TNNI3K: variants seen among roughly 807,000 people sequenced by gnomAD.
The protein encoded by TNNI3K is serine/threonine-protein kinase TNNI3K.
A neutral mutation model predicts 114.5 loss-of-function variants in TNNI3K; 140 were observed. That is an observed-to-expected ratio of 1.22 (90% CI 1.07 to 1.41). The LOEUF is 1.41. Ranked by LOEUF, TNNI3K falls within the 40% of genes most tolerant of loss-of-function variation. The pLI is 0.00. For missense variants in TNNI3K, 1,125 were observed against 1,007.6 expected (o/e 1.12, Z -1.58); for synonymous variants, 347 against 347.5 (o/e 1.00, Z 0.02).
intron 7 of TNNI3K, among the ~76,000 whole-genome samples, chr1:74,336,413 A>G (rs1006324113): frequency 6.6e-6 from 1 of 152,086 alleles, no homozygotes; most frequent in African/African-American, 2.4e-5. Context: ...GGTTAGTTAC[A>G]TATGTATACA....
chr1:74,399,208 G>A (rs963090350), intron 17 of TNNI3K, among the ~76,000 whole-genome samples: 3 of 145,970 alleles, frequency 2.1e-5, no homozygotes, highest in Non-Finnish European at 4.5e-5. Flanking sequence ...AAATGCCTTG[G>A]ACCAAATGTC....
intron 23 of TNNI3K, 117 bp from the exon 24 acceptor site, chr1:74,540,117 G>T (rs894060186): frequency 9.3e-7 from 1 of 1,074,302 alleles, no homozygotes; most frequent in Non-Finnish European, 1.3e-6. Context: ...GATAAAAGCT[G>T]CTTTGTATCA....
chr1:74,258,982 C>A (rs1038397537), intron 4 of TNNI3K, among the ~76,000 whole-genome samples: 11 of 152,182 alleles, frequency 7.2e-5, no homozygotes, highest in Non-Finnish European at 2.9e-5. Context: ...TCAAGCGTGG[C>A]AACTCAAATT....
chr1:74,540,374 T>C (rs879777328), intron 24 of TNNI3K, 61 bp downstream of exon 24: 133 of 1,525,806 alleles, frequency 8.7e-5, no homozygotes, highest in Non-Finnish European at 1.1e-4. Flanking sequence ...TGATGTCTAT[T>C]TGACAAAAAG....
chr1:74,245,670 T>C (rs1248643607), intron 2 of TNNI3K, among the ~76,000 whole-genome samples: 1 of 152,144 alleles, frequency 6.6e-6, no homozygotes, highest in African/African-American at 2.4e-5. Flanking sequence ...TCAAAAGCTA[T>C]TGGAATTTTA....
chr1:74,244,635 G>C (rs1289777086), intron 2 of TNNI3K, among the ~76,000 whole-genome samples: 1 of 148,424 alleles, frequency 6.7e-6, no homozygotes, highest in South Asian at 2.2e-4. Context: ...ATTTTATCTA[G>C]TATGTGTATT....
At chr1:74,307,230 A>G (rs1658698552) in intron 5 of TNNI3K, among the ~76,000 whole-genome samples, 1 of 152,236 alleles carries the variant, frequency 6.6e-6, no homozygotes, top group Non-Finnish European at 1.5e-5. Context: ...TTGAGACTGT[A>G]GAGCAACTAG....
At chr1:74,520,625 T>A (rs988529371) in intron 23 of TNNI3K, among the ~76,000 whole-genome samples, 6 of 150,596 alleles carry the variant, frequency 4.0e-5, no homozygotes, top group African/African-American at 7.3e-5. Context: ...AAAAAAAAAA[T>A]GGGAAAAATC....
At chr1:74,379,038 G>T (rs1023253210) in intron 17 of TNNI3K, among the ~76,000 whole-genome samples, 5 of 151,938 alleles carry the variant, frequency 3.3e-5, no homozygotes, top group African/African-American at 1.2e-4. Flanking sequence ...GGAAATGAAT[G>T]AAAACTACTT....
At chr1:74,254,240 A>G (rs1045848197) in intron 4 of TNNI3K, among the ~76,000 whole-genome samples, 5 of 152,192 alleles carry the variant, frequency 3.3e-5, no homozygotes, top group Non-Finnish European at 7.3e-5. Flanking sequence ...TCCTAAGAAC[A>G]AGAAAATTCA....
chr1:74,452,228 T>C (rs1438865209), intron 20 of TNNI3K, among the ~76,000 whole-genome samples: 1 of 152,204 alleles, frequency 6.6e-6, no homozygotes, highest in East Asian at 1.9e-4. Flanking sequence ...CAATTAATGA[T>C]GACTACCACA....
At chr1:74,445,489 C>G (rs368371425) in intron 20 of TNNI3K, among the ~76,000 whole-genome samples, 1 of 145,698 alleles carries the variant, frequency 6.9e-6, no homozygotes, top group African/African-American at 2.5e-5. Context: ...TTTGTTCTTG[C>G]GATAGTTTAC....
At chr1:74,533,079 C>A (rs1646611431) in intron 23 of TNNI3K, among the ~76,000 whole-genome samples, 1 of 152,146 alleles carries the variant, frequency 6.6e-6, no homozygotes, top group Non-Finnish European at 1.5e-5. Flanking sequence ...TCTAATTAAA[C>A]TAAAGAGCTT....
chr1:74,358,581 A>C (rs763875203), intron 11 of TNNI3K, among the ~76,000 whole-genome samples: 9 of 152,062 alleles, frequency 5.9e-5, no homozygotes, highest in Non-Finnish European at 1.3e-4. Flanking sequence ...AATTTTCACC[A>C]ATAGATTATG....
intron 17 of TNNI3K, among the ~76,000 whole-genome samples, chr1:74,376,206 A>T (rs1395202401): frequency 6.6e-6 from 1 of 152,048 alleles, no homozygotes; most frequent in Admixed American, 6.6e-5. Flanking sequence ...GAAAATTATA[A>T]TAGTTGCTTT....
intron 23 of TNNI3K, among the ~76,000 whole-genome samples, chr1:74,500,773 C>A (rs1301887787): frequency 6.6e-6 from 1 of 151,512 alleles, no homozygotes; most frequent in Non-Finnish European, 1.5e-5. Flanking sequence ...TTTTTCCCTG[C>A]ACCTTCAGGG....
intron 15 of TNNI3K, 48 bp from the exon 16 acceptor site, chr1:74,369,342 GT>G (rs869220461): frequency 6.2e-7 from 1 of 1,606,914 alleles, no homozygotes; most frequent in South Asian, 1.1e-5. Context: ...CAAGCCCCTT[GT>G]TTGGATCCAT....
chr1:74,431,005 G>A (rs962365835), intron 17 of TNNI3K, among the ~76,000 whole-genome samples: 4 of 152,096 alleles, frequency 2.6e-5, no homozygotes, highest in Non-Finnish European at 5.9e-5. Context: ...AATGTATACA[G>A]CTTTATTGTT....
Position 74,436,641 on chromosome 1 carries a change from G to T in TNNI3K, c.1878+115G>T. 2.7e-6 allele frequency: 3 copies of T among 1,101,182 alleles called. No individual in the cohort carries two copies. The South Asian group carries it at 4.9e-5, about 18-fold the overall frequency. 68.2% of individuals were successfully genotyped at this position (1,101,182 alleles called of 1,614,324 possible). ...TTGGAAGAAATGTCATTGTCTCAGT[G>T]TTGGGATAATGGCTTATGTCTTTAT... On this transcript the variant is annotated intron_variant, in intron 19 of 24. Transcript: ENST00000326637.
Sources: allele counts gnomAD v4.1 joint callset (sites outside exome capture counted in the v4.1 genomes callset), GRCh38; gene constraint gnomAD v4.1.1; transcripts MANE v1.5; gene names NCBI Gene and HGNC (gene_info 2026-07-23, HGNC 2026-07-21).